Variants in CHRDL2 observed in about 807,000 individuals in gnomAD.
CHRDL2 encodes chordin-like protein 2.
In CHRDL2, 41 loss-of-function variants were observed where a neutral mutation model predicts 54.3. The observed-to-expected ratio is 0.76, with a 90% CI of 0.59 to 0.98. CHRDL2 has a LOEUF of 0.98. CHRDL2 is among the 50% of genes least tolerant of loss of function. The pLI, the probability that CHRDL2 is intolerant of heterozygous loss-of-function variation, is 0.00. For synonymous variants in CHRDL2, 220 were observed against 224.3 expected, an observed-to-expected ratio of 0.98 and a Z score of 0.17; for missense variants, 518 against 562.4, an observed-to-expected ratio of 0.92 and a Z score of 0.80.
intron 1 of CHRDL2, among the ~76,000 whole-genome samples, chr11:74,726,873 C>G (rs1448092116): frequency 1.3e-5 from 2 of 152,214 alleles, no homozygotes; most frequent in Non-Finnish European, 2.9e-5. Context: ...CACACCTGCA[C>G]AGGTAGATGG....
intron 4 of CHRDL2, 117 bp downstream of exon 4, chr11:74,710,732 C>T: frequency 2.3e-6 from 3 of 1,319,894 alleles, no homozygotes; most frequent in South Asian, 3.3e-5. Context: ...TTCCCCTGAG[C>T]CCATTCATTT....
At chr11:74,702,318 A>T (rs1242904203) in intron 9 of CHRDL2, among the ~76,000 whole-genome samples, 1 of 152,018 alleles carries the variant, frequency 6.6e-6, no homozygotes, top group Non-Finnish European at 1.5e-5. Context: ...CAGATTGTTG[A>T]AGAGGGTGGG....
chr11:74,708,822 C>T (rs562935619), intron 4 of CHRDL2, among the ~76,000 whole-genome samples: 1 of 152,192 alleles, frequency 6.6e-6, no homozygotes, highest in Non-Finnish European at 1.5e-5. Context: ...TCATCTTGCT[C>T]TTTACTGAAA....
At chr11:74,727,589 G>A (rs1481861907) in intron 1 of CHRDL2, among the ~76,000 whole-genome samples, 2 of 151,944 alleles carry the variant, frequency 1.3e-5, no homozygotes, top group Non-Finnish European at 2.9e-5. Flanking sequence ...ATTTTTTCTA[G>A]AGACAGGGTC....
chr11:74,718,902 T>C (rs2034435843), intron 1 of CHRDL2, 70 bp from the exon 2 acceptor site: 2 of 921,624 alleles, frequency 2.2e-6, no homozygotes. Flanking sequence ...CATTTCTCCT[T>C]CTTTCTAGCT....
chr11:74,717,986 A>G (rs2135269317), intron 2 of CHRDL2, among the ~76,000 whole-genome samples: 1 of 152,148 alleles, frequency 6.6e-6, no homozygotes, highest in African/African-American at 2.4e-5. Flanking sequence ...CATTTATTCT[A>G]CCCAGTTGAT....
chr11:74,719,500 G>A (rs1409683173), intron 1 of CHRDL2, among the ~76,000 whole-genome samples: 1 of 152,140 alleles, frequency 6.6e-6, no homozygotes, highest in East Asian at 1.9e-4. Context: ...AGGCACCTGT[G>A]TAGAGGAGGA....
At position 74,703,476 on chromosome 11, in the gene CHRDL2, A is replaced by G. The variant is rs1330717605; in HGVS notation, c.775T>C (p.Tyr259His). Residue 259 changes from tyrosine to histidine, a missense_variant, in exon 8 of 11, where the codon TAC (tyrosine) becomes CAC (histidine). Coordinates refer to ENST00000376332, the MANE Select transcript of CHRDL2 (RefSeq NM_001278473.3). ...KKACVHGGKT[Y>H]SHGEVWHPAF... The stretch of plus-strand genomic sequence containing the variant: ...GGGTGCCACACCTCCCCGTGGGAGT[A>G]CGTCTTCCCGCCATGCACACAGGCT... The G allele has an allele frequency of 6.2e-7, 1 of 1,606,454 alleles. No individual in the cohort carries two copies. The highest frequency in any genetic ancestry group is 8.5e-7 in the Non-Finnish European group (1 of 1,175,644).
At chr11:74,710,210 C>T (rs1446553385) in intron 4 of CHRDL2, among the ~76,000 whole-genome samples, 5 of 146,834 alleles carry the variant, frequency 3.4e-5, no homozygotes, top group East Asian at 2.0e-4. Flanking sequence ...AGCAAGACTC[C>T]GTCTCAAAAA....
In CHRDL2 at chr11:74,718,782, T is replaced by G. The variant is rs750707329; in HGVS notation, c.133A>C (p.Ser45Arg). ...FHGKRYSPGE[S>R]WHPYLEPQGL... ...TGTGGCTCCAAGTAGGGGTGCCAGC[T>G]CTCGCCGGGGGAGTATCTCTTCCCA... The change falls in exon 2 of 11, where the codon AGC (serine) becomes CGC (arginine). Residue 45 changes from serine to arginine, a missense_variant. By Grantham distance (110) the Ser-to-Arg change is moderately radical. Transcript: ENST00000376332. 6.2e-7 allele frequency: 1 copy of G among 1,613,622 alleles called. No homozygotes were observed. The highest frequency in any genetic ancestry group is 8.5e-7 in the Non-Finnish European group (1 of 1,179,874).
In CHRDL2 at chr11:74,702,867, G is replaced by A. The variant is rs1360410088; in HGVS notation, c.1047C>T (p.Asp349=). The A allele has an allele frequency of 6.2e-7, 1 of 1,614,208 alleles. No individual in the cohort carries two copies. The highest frequency in any genetic ancestry group is 8.5e-7 in the Non-Finnish European group (1 of 1,180,034). ...LVHTSVSPSP[D]NLRRFALEHE... ...GTTCCAGGGCAAAGCGACGCAGGTT[G>A]TCTGGGCTTGGGGATACCGATGTGT... Residue 349 remains aspartate (D), a synonymous_variant, in exon 9 of 11, where the codon GAC becomes GAT. Transcript: ENST00000376332.
chr11:74,727,313 T>C (rs180848238), intron 1 of CHRDL2, among the ~76,000 whole-genome samples: 77 of 152,350 alleles, frequency 5.1e-4, no homozygotes, highest in Middle Eastern at 3.4e-3. Context: ...GCTCCCTTCC[T>C]GTCCCATGCC....
chr11:74,720,305 A>G (rs2135273238), intron 1 of CHRDL2: 1 of 154,088 alleles, frequency 6.5e-6, no homozygotes, highest in East Asian at 1.9e-4. Context: ...ATCTTCTGGA[A>G]TAGATGACAG....
At chr11:74,710,813 G>C in intron 4 of CHRDL2, 36 bp downstream of exon 4, 1 of 1,609,026 alleles carries the variant, frequency 6.2e-7, no homozygotes, top group Non-Finnish European at 8.5e-7. Context: ...GGCCCAGAGC[G>C]CTGGCCTGTG....
At chr11:74,702,551 G>A (rs1031003546) in intron 9 of CHRDL2, among the ~76,000 whole-genome samples, 5 of 152,166 alleles carry the variant, frequency 3.3e-5, no homozygotes, top group Non-Finnish European at 5.9e-5. Context: ...GTGCAACAGC[G>A]CCTTCCCCCC....
chr11:74,715,166 T>G (rs931792544), intron 2 of CHRDL2, among the ~76,000 whole-genome samples: 3 of 152,176 alleles, frequency 2.0e-5, no homozygotes, highest in Non-Finnish European at 4.4e-5. Flanking sequence ...CTCTGGTGGG[T>G]AGACGTGGAC....
chr11:74,697,341 A>G, intron 9 of CHRDL2, 44 bp from the exon 10 acceptor site: 1 of 1,421,174 alleles, frequency 7.0e-7, no homozygotes, highest in Non-Finnish European at 9.9e-7. Flanking sequence ...GCAAAAACCT[A>G]CAGTCGGTGA....
chr11:74,697,227 TCGGAA>T lies in CHRDL2; in HGVS notation c.1186_1190del (p.Phe396ThrfsTer37). 6.2e-7 allele frequency: 1 copy of T among 1,613,900 alleles called. No individual in the cohort carries two copies. Among genetic ancestry groups the T allele is most frequent in the Non-Finnish European group, 8.5e-7 (1 of 1,179,972 alleles). On this transcript the variant is annotated frameshift_variant, in exon 10 of 11. Transcript: ENST00000376332. LOFTEE classifies it high-confidence loss of function. ...TACCTTCGTGGGGGCCAGCGAGCAGTCGGAAGTGCTGTGCCTCTTTCTGGAAGTCT... is the reference window on the plus strand; with the variant it reads ...TACCTTCGTGGGGGCCAGCGAGCAGTGTGCTGTGCCTCTTTCTGGAAGTCT...
rs751863323 is a variant in CHRDL2 at position 74,702,936 on chromosome 11, G to T, written c.978C>A (p.Ile326=). 20 of 1,613,830 alleles carry T rather than the reference G, an allele frequency of 1.2e-5. No homozygotes were observed. The Admixed American group carries it at 3.0e-4, about 24-fold the overall frequency. Reference sequence around the variant, plus strand: ...GTGCCTTGGGACACCTGGTAGAACTGATCTCACTGTGGCCAGGGTCTGCTT... The same window carrying T: ...GTGCCTTGGGACACCTGGTAGAACTTATCTCACTGTGGCCAGGGTCTGCTT... The part of the protein sequence containing the change: ...EDKADPGHSE[I]SSTRCPKAPG... Residue 326 remains isoleucine (I), a synonymous_variant, in exon 9 of 11, where the codon ATC becomes ATA. Transcript: ENST00000376332.
Sources: allele counts gnomAD v4.1 joint callset (sites outside exome capture counted in the v4.1 genomes callset), GRCh38; gene constraint gnomAD v4.1.1; transcripts MANE v1.5; gene names NCBI Gene and HGNC (gene_info 2026-07-23, HGNC 2026-07-21).